The following CFAP95 variants were observed in gnomAD, a reference collection of about 807,000 sequenced individuals.
CFAP95 encodes the protein cilia and flagella associated protein 95, also known as cilia- and flagella-associated protein 95.
chr9:69,899,994 C>G, the CFAP95 span, among the ~76,000 whole-genome samples: 1 of 152,116 alleles, frequency 6.6e-6, no homozygotes, highest in African/African-American at 2.4e-5. Context: ...TACAGGTGGT[C>G]CCTGACTTAC....
the CFAP95 span, among the ~76,000 whole-genome samples, chr9:69,895,369 C>CTGTGTGTGTGTGTG: frequency 3.4e-3 from 364 of 107,896 alleles, 1 homozygote; most frequent in African/African-American, 5.4e-3. Flanking sequence ...CTCTCTCTCT[C>CTGTGTGTGTGTGTG]TGTGTGTGTG....
At chr9:69,837,941 T>C in the CFAP95 span, among the ~76,000 whole-genome samples, 2 of 152,232 alleles carry the variant, frequency 1.3e-5, no homozygotes, top group African/African-American at 4.8e-5. Flanking sequence ...GTTTCAGCTT[T>C]CTACATATGA....
the CFAP95 span, among the ~76,000 whole-genome samples, chr9:69,829,111 G>T: frequency 6.6e-6 from 1 of 152,166 alleles, no homozygotes; most frequent in South Asian, 2.1e-4. Flanking sequence ...TCTCGTCTGC[G>T]TTCTACAACG....
chr9:69,901,227 C>T, the CFAP95 span, among the ~76,000 whole-genome samples: 2 of 151,710 alleles, frequency 1.3e-5, no homozygotes, highest in South Asian at 4.2e-4. Context: ...AAGCTCCGCC[C>T]CCTGGGATCA....
chr9:69,857,830 TA>T, the CFAP95 span: 761,075 of 1,326,310 alleles, frequency 0.57, 223,860 homozygotes, highest in East Asian at 0.84. Context: ...GCCCAGCCCC[TA>T]AATTAGTTTT....
At chr9:69,892,945 T>A in the CFAP95 span, among the ~76,000 whole-genome samples, 162 of 152,280 alleles carry the variant, frequency 1.1e-3, no homozygotes, top group African/African-American at 3.6e-3. Flanking sequence ...TCACCATCTT[T>A]GATTTGTTTG....
the CFAP95 span, chr9:69,821,060 G>A: frequency 6.2e-7 from 1 of 1,606,460 alleles, no homozygotes; most frequent in Non-Finnish European, 8.5e-7. Flanking sequence ...CAAGTTCCCG[G>A]GTGCTGCGGG....
At chr9:69,822,745 G>A in the CFAP95 span, among the ~76,000 whole-genome samples, 5 of 152,330 alleles carry the variant, frequency 3.3e-5, no homozygotes, top group Admixed American at 6.5e-5. Flanking sequence ...AAGAAGGTGA[G>A]GAACCTGGTG....
the CFAP95 span, among the ~76,000 whole-genome samples, chr9:69,904,903 G>A: frequency 6.6e-6 from 1 of 152,180 alleles, no homozygotes. Context: ...TTTTGTTAGG[G>A]TTCTGGAGGG....
chr9:69,826,603 A>G, the CFAP95 span, among the ~76,000 whole-genome samples: 1 of 152,214 alleles, frequency 6.6e-6, no homozygotes, highest in Non-Finnish European at 1.5e-5. Context: ...TGCCTTTAAC[A>G]TAGACTTAGG....
At chr9:69,891,901 G>A in the CFAP95 span, among the ~76,000 whole-genome samples, 3 of 152,038 alleles carry the variant, frequency 2.0e-5, no homozygotes, top group Admixed American at 6.6e-5. Context: ...CCCCCACTGG[G>A]AAGCACTCTT....
chr9:69,899,123 A>C, the CFAP95 span, among the ~76,000 whole-genome samples: 4 of 152,222 alleles, frequency 2.6e-5, no homozygotes. Flanking sequence ...GCTCAGAAAA[A>C]GCTTGCAATG....
the CFAP95 span, chr9:69,902,249 T>C: frequency 4.6e-6 from 2 of 437,270 alleles, no homozygotes; most frequent in Non-Finnish European, 9.0e-6. Flanking sequence ...ACAATTCTCT[T>C]GACAGGTTCT....
the CFAP95 span, among the ~76,000 whole-genome samples, chr9:69,888,852 T>A: frequency 6.6e-6 from 1 of 150,992 alleles, no homozygotes; most frequent in Non-Finnish European, 1.5e-5. Context: ...CATTCCAGCC[T>A]GGGTGATGGA....
the CFAP95 span, among the ~76,000 whole-genome samples, chr9:69,893,424 A>G: frequency 5.3e-5 from 8 of 152,266 alleles, no homozygotes; most frequent in African/African-American, 1.9e-4. Context: ...AATCCAGAAC[A>G]GGGTGAAGAT....
the CFAP95 span, among the ~76,000 whole-genome samples, chr9:69,869,889 A>G: frequency 2.0e-5 from 3 of 152,150 alleles, no homozygotes; most frequent in Admixed American, 1.3e-4. Context: ...TTTAAAGTTT[A>G]TGTAGTTGTC....
At chr9:69,901,426 C>T in the CFAP95 span, among the ~76,000 whole-genome samples, 86,123 of 152,022 alleles carry the variant, frequency 0.57, 27,681 homozygotes, top group Non-Finnish European at 0.72. Flanking sequence ...CGTGAGCCAC[C>T]GCGCCCGGCC....
the CFAP95 span, among the ~76,000 whole-genome samples, chr9:69,829,105 G>A: frequency 3.9e-5 from 6 of 152,238 alleles, no homozygotes; most frequent in South Asian, 6.2e-4. Context: ...TTTCATTCTC[G>A]TCTGCGTTCT....
At chr9:69,831,109 T>C in the CFAP95 span, among the ~76,000 whole-genome samples, 6 of 152,326 alleles carry the variant, frequency 3.9e-5, no homozygotes, top group South Asian at 1.2e-3. Flanking sequence ...AGAGAATTAA[T>C]TGCAGAAATA....
Sources: allele counts gnomAD v4.1 joint callset (sites outside exome capture counted in the v4.1 genomes callset), GRCh38; gene constraint gnomAD v4.1.1; transcripts MANE v1.5; gene names NCBI Gene and HGNC (gene_info 2026-07-23, HGNC 2026-07-21).